The following USP34 variants were observed in gnomAD, a reference collection of about 807,000 sequenced individuals.
USP34 encodes the protein ubiquitin carboxyl-terminal hydrolase 34.
A neutral mutation model predicts 460.3 loss-of-function variants in USP34; 70 were observed. That is an observed-to-expected ratio of 0.15 (90% CI 0.13 to 0.19). The LOEUF (loss-of-function observed/expected upper bound fraction) is 0.19, where lower values mean the gene tolerates loss of function less well. Among genes scored for constraint, USP34 ranks in the 10% least tolerant of loss-of-function variants. The pLI is 1.00. For missense variants in USP34, 3,985 were observed against 4,236.2 expected (o/e 0.94, Z 1.65); for synonymous variants, 1,647 against 1,405.3 (o/e 1.17, Z -3.85).
In USP34 at chr2:61,229,005, A is replaced by G. The variant is rs541224934; in HGVS notation, c.7200-10T>C. 1.5e-5 allele frequency: 23 copies of G among 1,541,514 alleles called. No individual in the cohort carries two copies. Among genetic ancestry groups the G allele is most frequent in the Middle Eastern group, 3.5e-4 (2 of 5,708 alleles). ...ATCCATATCATCTGACCTAAGAGAC[A>G]ATTAAATAGATCTTAGAGAATGTAT... is the stretch of plus-strand genomic sequence containing the variant. On this transcript the variant is annotated splice_polypyrimidine_tract_variant and intron_variant, in intron 59 of 79. Coordinates refer to ENST00000398571, the MANE Select transcript of USP34 (RefSeq NM_014709.4).
At chr2:61,461,354 T>C (rs34045986) in intron 1 of USP34, among the ~76,000 whole-genome samples, 23,464 of 150,554 alleles carry the variant, frequency 0.16, 2,362 homozygotes, top group Middle Eastern at 0.25. Flanking sequence ...GATGGCACCA[T>C]TGCACTCCAC....
intron 57 of USP34, among the ~76,000 whole-genome samples, chr2:61,233,694 ATGT>A (rs1334599395): frequency 6.6e-6 from 1 of 151,980 alleles, no homozygotes; most frequent in Non-Finnish European, 1.5e-5. Flanking sequence ...GTGTGTTGGT[ATGT>A]GCCTGTGGTC....
At chr2:61,235,560 G>A (rs757225727) in intron 57 of USP34, among the ~76,000 whole-genome samples, 7 of 151,952 alleles carry the variant, frequency 4.6e-5, no homozygotes, top group Non-Finnish European at 1.0e-4. Context: ...TCTTGATCTC[G>A]TAATCCACCC....
At chr2:61,368,820 A>G (rs1692518963) in intron 10 of USP34, among the ~76,000 whole-genome samples, 1 of 152,184 alleles carries the variant, frequency 6.6e-6, no homozygotes, top group Non-Finnish European at 1.5e-5. Flanking sequence ...AAACCAAGAT[A>G]CAAAATCTAC....
chr2:61,296,531 A>G (rs542835203), intron 30 of USP34, among the ~76,000 whole-genome samples: 8 of 152,348 alleles, frequency 5.3e-5, no homozygotes, highest in African/African-American at 1.9e-4. Flanking sequence ...AGCATACTGT[A>G]ATATGAAAAA....
chr2:61,207,934 C>T (rs921170087), intron 70 of USP34: 3 of 152,240 alleles, frequency 2.0e-5, no homozygotes, highest in African/African-American at 7.2e-5. Flanking sequence ...AAACATCCTA[C>T]CTGTGAATTC....
At chr2:61,375,241 A>G (rs564109187) in intron 8 of USP34, among the ~76,000 whole-genome samples, 2 of 152,318 alleles carry the variant, frequency 1.3e-5, no homozygotes, top group African/African-American at 4.8e-5. Flanking sequence ...AATCTAGATA[A>G]TAACAACTGC....
At chr2:61,276,284 G>A (rs1433250164) in intron 41 of USP34, among the ~76,000 whole-genome samples, 1 of 152,168 alleles carries the variant, frequency 6.6e-6, no homozygotes, top group Non-Finnish European at 1.5e-5. Flanking sequence ...AAGAGTTCTT[G>A]AGTAAATAAT....
In USP34 at chr2:61,188,115, T is replaced by C. The variant is rs756179609; in HGVS notation, c.10628A>G (p.Gln3543Arg). 1 of 1,612,412 alleles carries C rather than the reference T, an allele frequency of 6.2e-7. No homozygotes were observed. Among genetic ancestry groups the C allele is most frequent in the Non-Finnish European group, 8.5e-7 (1 of 1,179,032 alleles). The change falls in exon 80 of 80, where the codon CAA becomes CGA. Residue 3543 changes from glutamine (Q) to arginine (R), a missense_variant. Gln to Arg is a conservative substitution (Grantham distance 43). Transcript: ENST00000398571. Reference sequence around the variant, plus strand: ...CTACACCTAATGTCAAGAAGCAGCTTGGTTTCCTTTGCCAGATATCCTTGT... The same window carrying C: ...CTACACCTAATGTCAAGAAGCAGCTCGGTTTCCTTTGCCAGATATCCTTGT... ...VVTRISGKGN[Q>R]AAS
chr2:61,447,209 C>A (rs1207212700), intron 1 of USP34, among the ~76,000 whole-genome samples: 4 of 126,622 alleles, frequency 3.2e-5, no homozygotes, highest in African/African-American at 1.2e-4. Flanking sequence ...GAGCAGAGAA[C>A]GCACCACTGC....
At chr2:61,389,081 A>T (rs1168396649) in intron 5 of USP34, among the ~76,000 whole-genome samples, 1 of 152,170 alleles carries the variant, frequency 6.6e-6, no homozygotes, top group Non-Finnish European at 1.5e-5. Flanking sequence ...ACAAAACCAA[A>T]TTGTAGTGTT....
At chr2:61,305,665 T>G (rs1418595578) in intron 27 of USP34, among the ~76,000 whole-genome samples, 1 of 152,122 alleles carries the variant, frequency 6.6e-6, no homozygotes, top group Non-Finnish European at 1.5e-5. Context: ...TGATAAAAGT[T>G]ATAATCTCAC....
At chr2:61,319,425 C>G (rs188940472) in intron 21 of USP34, 98 bp from the exon 22 acceptor site, 147 of 787,796 alleles carry the variant, frequency 1.9e-4, no homozygotes, top group Admixed American at 2.0e-4. Flanking sequence ...TCACTTAACA[C>G]AGATAGGTTC....
At chr2:61,464,717 C>CAAAAAAAAAAAA (rs35331685) in intron 1 of USP34, among the ~76,000 whole-genome samples, 1 of 77,992 alleles carries the variant, frequency 1.3e-5, no homozygotes, top group African/African-American at 5.0e-5. Context: ...GACTCCGTCT[C>CAAAAAAAAAAAA]AAAAAAAAAA....
Position 61,317,718 on chromosome 2 carries a change from A to T in USP34, c.3218T>A (p.Phe1073Tyr). ...TCGAGCCAAGTTACAGAGATGCTGA[A>T]ACAGGTTTAAGCCAGTCATGCTAAT... ...ETISMTGLNL[F>Y]QHLCNLARLA... The change falls in exon 23 of 80, where the codon TTT becomes TAT. Residue 1073 changes from phenylalanine to tyrosine, a missense_variant. Physicochemically the swap from Phe to Tyr is conservative, Grantham distance 22 (BLOSUM62 3). Coordinates refer to ENST00000398571, the MANE Select transcript of USP34 (RefSeq NM_014709.4). The T allele has an allele frequency of 6.2e-7, 1 of 1,614,136 alleles. No homozygotes were observed. The highest frequency in any genetic ancestry group is 8.5e-7 in the Non-Finnish European group (1 of 1,180,010).
chr2:61,193,813 G>T (rs1686711891), intron 75 of USP34, among the ~76,000 whole-genome samples: 1 of 152,194 alleles, frequency 6.6e-6, no homozygotes, highest in South Asian at 2.1e-4. Context: ...CAGCAAACTT[G>T]TTCTGGGAAG....
chr2:61,214,318 G>A lies in USP34; in HGVS notation c.8424C>T (p.Val2808=), dbSNP rs1687345069. ...KQALLSFWYN[V]CADCPENIRL... Reference sequence around the variant, plus strand: ...GGATATTCTCTGGACAGTCAGCACAGACATTGTACCAAAATGAAAGCAAAG... The same window carrying A: ...GGATATTCTCTGGACAGTCAGCACAAACATTGTACCAAAATGAAAGCAAAG... Residue 2808 remains valine, a synonymous_variant, in exon 68 of 80, where the codon GTC becomes GTT. Coordinates refer to ENST00000398571, the MANE Select transcript of USP34 (RefSeq NM_014709.4). The A allele has an allele frequency of 6.2e-7, 1 of 1,614,246 alleles. No homozygotes were observed. Among genetic ancestry groups the A allele is most frequent in the African/African-American group, 1.3e-5 (1 of 75,072 alleles).
chr2:61,431,993 C>T (rs1423476149), intron 1 of USP34, among the ~76,000 whole-genome samples: 1 of 152,050 alleles, frequency 6.6e-6, no homozygotes, highest in Admixed American at 6.6e-5. Context: ...ATTGAAATAG[C>T]ATGCTGTACC....
At chr2:61,344,466 C>T (rs1558540241) in intron 15 of USP34, among the ~76,000 whole-genome samples, 5 of 151,936 alleles carry the variant, frequency 3.3e-5, no homozygotes, top group African/African-American at 1.2e-4. Flanking sequence ...CCAAACAAAC[C>T]CAAATTAAGT....
Sources: gnomAD v4.1 joint callset for allele counts (sites outside exome capture counted in the v4.1 genomes callset) on GRCh38, gnomAD v4.1.1 for gene constraint, MANE v1.5 for transcripts, NCBI Gene and HGNC (gene_info 2026-07-23, HGNC 2026-07-21) for gene names.